The following LIPJ variants were observed in gnomAD, a reference collection of about 807,000 sequenced individuals.
The protein encoded by LIPJ is lipase family member J.
Under a neutral mutation model 39.8 loss-of-function variants are expected in LIPJ, and 33 were observed. The ratio of observed to expected loss-of-function variants is 0.83; its 90% CI spans 0.63 to 1.11. The LOEUF is 1.11. LIPJ is among the 50% of genes least tolerant of loss of function. The pLI is 0.00. For missense variants in LIPJ, 422 were observed against 427.9 expected, an observed-to-expected ratio of 0.99 and a Z score of 0.12; for synonymous variants, 128 against 139.2, an observed-to-expected ratio of 0.92 and a Z score of 0.57.
At chr10:88,594,322 T>C in intron 5 of LIPJ, 178 bp downstream of exon 5, 1 of 583,038 alleles carries the variant, frequency 1.7e-6, no homozygotes, top group Non-Finnish European at 3.0e-6. Context: ...ATTTTGAGTT[T>C]GATTCTTACG....
exon 11 of LIPJ, chr10:88,606,964 T>A: frequency 7.2e-7 from 1 of 1,381,150 alleles, no homozygotes; most frequent in Non-Finnish European, 9.4e-7. Flanking sequence ...AATCCAATTC[T>A]TATTTTTTTT....
intron 8 of LIPJ, among the ~76,000 whole-genome samples, chr10:88,600,374 C>G (rs1476845766): frequency 6.6e-6 from 1 of 152,068 alleles, no homozygotes; most frequent in African/African-American, 2.4e-5. Context: ...AATCCTGTCT[C>G]TTGCTGTGTA....
chr10:88,612,914 C>T, the LIPJ span, among the ~76,000 whole-genome samples: 1 of 152,050 alleles, frequency 6.6e-6, no homozygotes, highest in Non-Finnish European at 1.5e-5. Context: ...AATATTCTAC[C>T]CAACAACTGA....
At chr10:88,583,193 C>A, upstream of LIPJ, 2 of 1,613,738 alleles carry the variant, frequency 1.2e-6, no homozygotes, top group Non-Finnish European at 1.7e-6. Flanking sequence ...TGCGCCATGG[C>A]GAGAGGGAGC....
rs144471738 is a variant in LIPJ, at chr10:88,602,470, A to T, written c.724-106A>T. 5.7e-4 allele frequency: 367 copies of T among 642,928 alleles called. 3 individuals are homozygous for T. In the African/African-American group the frequency reaches 6.7e-3, roughly 12 times the overall value. 39.8% of individuals were successfully genotyped at this position (642,928 alleles called of 1,614,324 possible). ...TTTGTTTATTAATATGATTAATTTT[A>T]AATTAAATTTTCTTGAAATAATTTA... is the stretch of plus-strand genomic sequence containing the variant. On this transcript the variant is annotated intron_variant, in intron 8 of 10. Coordinates refer to ENST00000371939, the Ensembl canonical transcript of LIPJ.
At chr10:88,600,032 CTTATT>C (rs1851420397) in intron 8 of LIPJ, among the ~76,000 whole-genome samples, 1 of 151,902 alleles carries the variant, frequency 6.6e-6, no homozygotes, top group African/African-American at 2.4e-5. Flanking sequence ...TTTATCTTCT[CTTATT>C]TTGTTACTGC....
intron 3 of LIPJ, among the ~76,000 whole-genome samples, chr10:88,590,955 C>G (rs1469992841): frequency 6.6e-6 from 1 of 151,624 alleles, no homozygotes; most frequent in East Asian, 1.9e-4. Context: ...ATCTCCTTCT[C>G]TTCTACATAT....
At chr10:88,606,685 A>G (rs1851674660) in exon 11 of LIPJ, 1 of 1,608,616 alleles carries the variant, frequency 6.2e-7, no homozygotes, top group Non-Finnish European at 8.5e-7. Context: ...CAACGTCTCC[A>G]TTATACAACA....
chr10:88,590,278 A>G (rs1403389518), intron 2 of LIPJ, among the ~76,000 whole-genome samples: 1 of 151,834 alleles, frequency 6.6e-6, no homozygotes, highest in Admixed American at 6.6e-5. Flanking sequence ...TTAATTTGTA[A>G]TACATGATAA....
chr10:88,588,731 C>T (rs144255469), intron 2 of LIPJ, among the ~76,000 whole-genome samples: 40 of 151,958 alleles, frequency 2.6e-4, no homozygotes, highest in African/African-American at 9.6e-4. Context: ...TTTTACACTG[C>T]TTTAGCTTTC....
chr10:88,612,567 AAGCT>A, the LIPJ span, among the ~76,000 whole-genome samples: 2 of 152,142 alleles, frequency 1.3e-5, no homozygotes, highest in African/African-American at 4.8e-5. Flanking sequence ...TGGACACCAA[AAGCT>A]AGCAGGAGTA....
chr10:88,605,979 C>A (rs1224106848), intron 10 of LIPJ, among the ~76,000 whole-genome samples: 4 of 152,186 alleles, frequency 2.6e-5, no homozygotes, highest in Middle Eastern at 3.4e-3. Flanking sequence ...AAAAATACTG[C>A]GTTTTTTATA....
chr10:88,596,334 T>C, exon 7 of LIPJ: 1 of 1,553,094 alleles, frequency 6.4e-7, no homozygotes. Flanking sequence ...AAAATATTTT[T>C]TGCTTTAGCA....
chr10:88,610,723 A>G (rs992473367), downstream of LIPJ, among the ~76,000 whole-genome samples: 6 of 152,234 alleles, frequency 3.9e-5, no homozygotes, highest in African/African-American at 1.4e-4. Flanking sequence ...GTTTGGAACT[A>G]GACCACACCT....
chr10:88,600,013 ATACTT>A (rs1484783630), intron 8 of LIPJ, among the ~76,000 whole-genome samples: 19 of 151,986 alleles, frequency 1.3e-4, no homozygotes, highest in African/African-American at 4.3e-4. Flanking sequence ...ATACATTTTA[ATACTT>A]TACTTTATCT....
At chr10:88,606,596 C>T (rs1413243157) in intron 10 of LIPJ, 78 bp from the exon 11 acceptor site, 5 of 805,542 alleles carry the variant, frequency 6.2e-6, no homozygotes, top group Non-Finnish European at 1.0e-5. Context: ...TTAAACTCAT[C>T]ATTTTAACAA....
chr10:88,608,964 A>G (rs1033609329), downstream of LIPJ, among the ~76,000 whole-genome samples: 1 of 152,220 alleles, frequency 6.6e-6, no homozygotes, highest in Admixed American at 6.5e-5. Flanking sequence ...GCTTACACCA[A>G]GCAACCAGTG....
At chr10:88,596,249 GCTTA>G (rs1477439453) in intron 6 of LIPJ, 27 bp from the exon 7 acceptor site, 27 of 1,268,248 alleles carry the variant, frequency 2.1e-5, no homozygotes, top group Non-Finnish European at 2.7e-5. Context: ...CTTAAGAATA[GCTTA>G]CTAATTTATA....
At chr10:88,614,306 T>C in the LIPJ span, among the ~76,000 whole-genome samples, 1 of 152,026 alleles carries the variant, frequency 6.6e-6, no homozygotes, top group Non-Finnish European at 1.5e-5. Flanking sequence ...AAGTCTGAGG[T>C]ATAGATTAAA....
Sources: gnomAD v4.1 joint callset for allele counts (sites outside exome capture counted in the v4.1 genomes callset) on GRCh38, gnomAD v4.1.1 for gene constraint, MANE v1.5 for transcripts, NCBI Gene and HGNC (gene_info 2026-07-23, HGNC 2026-07-21) for gene names.